CA12: variants seen among roughly 807,000 people sequenced by gnomAD.
CA12 encodes carbonate dehydratase XII.
CA12 carries 36 observed loss-of-function variants against 46.8 expected under a neutral mutation model. The ratio of observed to expected loss-of-function variants is 0.77; its 90% confidence interval spans 0.59 to 1.02. The LOEUF (loss-of-function observed/expected upper bound fraction) is 1.02, where lower values mean the gene tolerates loss of function less well. Ranked by LOEUF, CA12 falls within the 50% of genes least tolerant of loss-of-function variation. The pLI, the probability that CA12 is intolerant of heterozygous loss-of-function variation, is 0.00. For missense variants in CA12, 436 were observed against 451.4 expected (o/e 0.97, Z 0.31); for synonymous variants, 202 against 187.0 (o/e 1.08, Z -0.65).
intron 1 of CA12, 111 bp from the exon 2 acceptor site, chr15:63,375,789 G>A: frequency 1.4e-6 from 1 of 711,884 alleles, no homozygotes. Flanking sequence ...TCGATGCCCA[G>A]AAATTGAAAC....
At chr15:63,360,933 A>G (rs190456973) in intron 2 of CA12, among the ~76,000 whole-genome samples, 2 of 152,372 alleles carry the variant, frequency 1.3e-5, no homozygotes, top group Admixed American at 1.3e-4. Context: ...AAAGGGATTC[A>G]TTAAAGACTG....
rs1297273112 is a variant in CA12 at position 63,327,397 on chromosome 15, G to C, written c.908-164C>G. ...TCTGGTCTTTGGCTTAGTGGGACTG[G>C]CTGGAGTATTTTGAGGTGGCCGTTT... On this transcript the variant is annotated intron_variant, in intron 9 of 10. Coordinates refer to ENST00000178638, the MANE Select transcript of CA12 (RefSeq NM_001218.5). The surrounding 1 kb of genome is among the most constrained non-coding windows in gnomAD (Gnocchi z 4.5). 6.6e-6 allele frequency among the ~76,000 whole-genome samples: 1 copy of C among 152,134 alleles called. No individual in the cohort carries two copies. Among genetic ancestry groups the C allele is most frequent in the Non-Finnish European group, 1.5e-5 (1 of 68,030 alleles).
At chr15:63,364,634 C>T (rs1567052806) in intron 2 of CA12, among the ~76,000 whole-genome samples, 2 of 152,214 alleles carry the variant, frequency 1.3e-5, no homozygotes, top group African/African-American at 4.8e-5. Context: ...GTGCCGTTCT[C>T]ATATGATATC....
chr15:63,356,121 G>A (rs968529581), intron 2 of CA12, among the ~76,000 whole-genome samples: 4 of 152,134 alleles, frequency 2.6e-5, no homozygotes, highest in African/African-American at 9.7e-5. Context: ...GGCCGGGCAC[G>A]GTGGCTCACG....
At chr15:63,347,178 T>C (rs2039161578) in intron 2 of CA12, among the ~76,000 whole-genome samples, 1 of 152,164 alleles carries the variant, frequency 6.6e-6, no homozygotes, top group African/African-American at 2.4e-5. Context: ...GTGGGAAAAA[T>C]TAGTGTCTTA....
At chr15:63,363,834 G>A (rs2039397563) in intron 2 of CA12, among the ~76,000 whole-genome samples, 2 of 152,164 alleles carry the variant, frequency 1.3e-5, no homozygotes, top group African/African-American at 2.4e-5. Context: ...GGGATGGGTC[G>A]CTCCCTGCTT....
rs760296313 is a variant in CA12, at chr15:63,375,675, G to C, written c.89C>G (p.Ser30Cys). 6.4e-7 allele frequency: 1 copy of C among 1,572,436 alleles called. No individual in the cohort carries two copies. Among genetic ancestry groups the C allele is most frequent in the Non-Finnish European group, 8.7e-7 (1 of 1,144,294 alleles). ...CTACTTACCAAAATAAGTCCACTTG[G>C]AACCTACAAAGAACAAAACACAGTA... ...QPSSPAPVNG[S>C]KWTYFGPDGE... The change falls in exon 2 of 11, where the codon TCC (serine) becomes TGC (cysteine). Residue 30 changes from serine to cysteine, a missense_variant. Transcript: ENST00000178638.
At chr15:63,362,067 C>T (rs992602216) in intron 2 of CA12, among the ~76,000 whole-genome samples, 2 of 152,154 alleles carry the variant, frequency 1.3e-5, no homozygotes, top group East Asian at 1.9e-4. Flanking sequence ...TGAAGCTTTG[C>T]GGGCCCTGTG....
chr15:63,356,349 C>T (rs1355915527), intron 2 of CA12, among the ~76,000 whole-genome samples: 4 of 152,100 alleles, frequency 2.6e-5, no homozygotes, highest in Admixed American at 6.5e-5. Flanking sequence ...GCTGAGACTG[C>T]GCCACTGCAC....
At chr15:63,379,807 G>A in intron 1 of CA12, among the ~76,000 whole-genome samples, 1 of 152,190 alleles carries the variant, frequency 6.6e-6, no homozygotes, top group African/African-American at 2.4e-5. Context: ...CTCCACACCA[G>A]GTTTGGGCAG....
rs1567040252 is a variant in CA12 at position 63,328,551 on chromosome 15, G to A, written c.875-421C>T. Among the ~76,000 whole-genome samples the A allele has an allele frequency of 6.6e-6, 1 of 152,160 alleles. No homozygotes were observed. Among genetic ancestry groups the A allele is most frequent in the Non-Finnish European group, 1.5e-5 (1 of 68,024 alleles). On this transcript the variant is annotated intron_variant, in intron 8 of 10. Transcript: ENST00000178638. The surrounding 1 kb of genome is among the most constrained non-coding windows in gnomAD (Gnocchi z 5.9). ...GGGTTTCACCATCTTGGCCAGGCTG[G>A]TCTTGAACTCCTGACCTCATTATCC...
At chr15:63,352,008 C>A (rs937408971) in intron 2 of CA12, among the ~76,000 whole-genome samples, 1 of 151,970 alleles carries the variant, frequency 6.6e-6, no homozygotes, top group Non-Finnish European at 1.5e-5. Flanking sequence ...AGGGTGTATG[C>A]GTGGTGGTTA....
chr15:63,352,442 G>T (rs2039244786), intron 2 of CA12, among the ~76,000 whole-genome samples: 1 of 152,228 alleles, frequency 6.6e-6, no homozygotes, highest in Non-Finnish European at 1.5e-5. Context: ...GGAGACAGAA[G>T]AAAGAGGGGC....
chr15:63,363,086 A>C (rs1441974040), intron 2 of CA12, among the ~76,000 whole-genome samples: 1 of 151,946 alleles, frequency 6.6e-6, no homozygotes, highest in Non-Finnish European at 1.5e-5. Flanking sequence ...GACAAGGTAG[A>C]CTCTTACGCA....
chr15:63,340,529 A>C lies in CA12; in HGVS notation c.590-84T>G. 6.4e-7 allele frequency: 1 copy of C among 1,565,152 alleles called. No individual in the cohort carries two copies. The highest frequency in any genetic ancestry group is 8.8e-7 in the Non-Finnish European group (1 of 1,135,648). The stretch of plus-strand genomic sequence containing the variant: ...AGCTGAACAGAGCGACTGAGCCTAG[A>C]AACATGAACTAGCCCCTTTCAGGGT... On this transcript the variant is annotated intron_variant, in intron 6 of 10. Coordinates refer to ENST00000178638, the MANE Select transcript of CA12 (RefSeq NM_001218.5). This position sits in a 1 kb window ranked among gnomAD's most constrained non-coding sequence, Gnocchi z 4.4.
Position 63,346,601 on chromosome 15 carries a change from G to C in CA12, c.215C>G (p.Thr72Arg), listed in dbSNP as rs144831502. The C allele has an allele frequency of 9.3e-6, 15 of 1,613,960 alleles. No individual in the cohort carries two copies. Among genetic ancestry groups the C allele is most frequent in the Non-Finnish European group, 1.3e-5 (15 of 1,180,012 alleles). Residue 72 changes from threonine (T) to arginine (R), a missense_variant, in exon 3 of 11, where the codon ACG becomes AGG. Transcript: ENST00000178638. ...ATTGTAGCCTTGGAACTCGAGGGGC[G>C]TGAGGCTGGCGTCATACTGGAGGAT... ...SDILQYDASL[T>R]PLEFQGYNLS...
rs975988879 is a variant in CA12, at chr15:63,325,106, T to C, written c.*1179A>G. On this transcript the variant is annotated 3_prime_UTR_variant, in exon 11 of 11. Coordinates refer to ENST00000178638, the MANE Select transcript of CA12 (RefSeq NM_001218.5). The surrounding 1 kb of genome is among the most constrained non-coding windows in gnomAD (Gnocchi z 4.9). ...TTATTACTTGCCCCTAAATACATGA[T>C]GCCAGCCCCCTGCACAGATAACCTC... 5 of 152,194 alleles carry C rather than the reference T, an allele frequency of 3.3e-5. No individual in the cohort carries two copies. The highest frequency in any genetic ancestry group is 9.7e-5 in the African/African-American group (4 of 41,442). 9.4% of individuals were successfully genotyped at this position (152,194 alleles called of 1,614,324 possible). A position where few individuals can be genotyped will look rare whatever the true frequency, so the allele number is the denominator to read the frequency against.
rs369693320 is a variant in CA12, at chr15:63,323,509, C to CA, written c.*2775dup. The stretch of plus-strand genomic sequence containing the variant: ...AATAGTAATGCTTTAACCTCGCCTC[C>CA]AAAAAAAAAAAAAGAACAGCCTGAT... On this transcript the variant is annotated 3_prime_UTR_variant, in exon 11 of 11. Coordinates refer to ENST00000178638, the MANE Select transcript of CA12 (RefSeq NM_001218.5). This position sits in a 1 kb window ranked among gnomAD's most constrained non-coding sequence, Gnocchi z 5.1. 1,714 of 125,350 alleles carry CA rather than the reference C, an allele frequency of 0.014. 24 individuals carry two copies. The highest frequency in any genetic ancestry group is 0.042 in the African/African-American group (1,406 of 33,598). 7.8% of individuals were successfully genotyped at this position (125,350 alleles called of 1,614,324 possible). A position where few individuals can be genotyped will look rare whatever the true frequency, so the allele number is the denominator to read the frequency against.
intron 4 of CA12, among the ~76,000 whole-genome samples, chr15:63,342,344 C>T (rs933743182): frequency 6.6e-6 from 1 of 152,150 alleles, no homozygotes; most frequent in Non-Finnish European, 1.5e-5. Flanking sequence ...GTACAAGATA[C>T]ACTGGTTTGA....
Sources: gnomAD v4.1 joint callset for allele counts (sites outside exome capture counted in the v4.1 genomes callset) on GRCh38, gnomAD v4.1.1 for gene constraint, Gnocchi (gnomAD v3.1) non-coding constraint, MANE v1.5 for transcripts, NCBI Gene and HGNC (gene_info 2026-07-23, HGNC 2026-07-21) for gene names.